Variants in HLCS observed in about 807,000 individuals in gnomAD.
HLCS encodes biotin--protein ligase.
A neutral mutation model predicts 75.0 loss-of-function variants in HLCS; 53 were observed. That is an observed-to-expected ratio of 0.71 (90% CI 0.57 to 0.89). The LOEUF (loss-of-function observed/expected upper bound fraction) is 0.89, where lower values mean the gene tolerates loss of function less well. Among genes scored for constraint, HLCS ranks in the 40% least tolerant of loss-of-function variants. HLCS has a pLI of 0.00. For synonymous variants in HLCS, 431 were observed against 428.6 expected, an observed-to-expected ratio of 1.01 and a Z score of -0.07; for missense variants, 966 against 1,074.0, an observed-to-expected ratio of 0.90 and a Z score of 1.41.
At chr21:36,829,347 T>C (rs1410000348) in intron 6 of HLCS, among the ~76,000 whole-genome samples, 1 of 152,220 alleles carries the variant, frequency 6.6e-6, no homozygotes, top group African/African-American at 2.4e-5. Context: ...GTAGTAACAT[T>C]CACACTCTGT....
At chr21:36,811,829 C>T (rs571613643) in intron 6 of HLCS, among the ~76,000 whole-genome samples, 1 of 152,258 alleles carries the variant, frequency 6.6e-6, no homozygotes, top group South Asian at 2.1e-4. Flanking sequence ...TGTGAGGTGG[C>T]CAAAGGGTGG....
chr21:36,956,586 C>T (rs2843633), intron 2 of HLCS, among the ~76,000 whole-genome samples: 1 of 151,614 alleles, frequency 6.6e-6, no homozygotes, highest in African/African-American at 2.4e-5. Flanking sequence ...AAAAATTAGC[C>T]GGGTGTGGTG....
rs144076111 is a variant in HLCS at position 36,763,618 on chromosome 21, G to A, written c.2121+1394C>T. ...ATGACAGGACCTCCAAGTCTCCTTT[G>A]AGAGTCACGCTCTTAACATCTTGCT... On this transcript the variant is annotated intron_variant, in intron 8 of 10. Coordinates refer to ENST00000674895, the MANE Select transcript of HLCS (RefSeq NM_001352514.2). Among the ~76,000 whole-genome samples the A allele has an allele frequency of 3.5e-3, 527 of 152,306 alleles. 2 individuals are homozygous for A. The highest frequency in any genetic ancestry group is 0.011 in the African/African-American group (477 of 41,562).
chr21:36,866,885 G>A (rs1601563499), intron 6 of HLCS, among the ~76,000 whole-genome samples: 2 of 148,682 alleles, frequency 1.3e-5, no homozygotes, highest in African/African-American at 2.5e-5. Flanking sequence ...GAATCTATCC[G>A]ATAATATTTC....
intron 6 of HLCS, among the ~76,000 whole-genome samples, chr21:36,778,061 C>A (rs1016536943): frequency 6.6e-6 from 1 of 151,980 alleles, no homozygotes; most frequent in East Asian, 1.9e-4. Context: ...CTCCACCTCC[C>A]GGGTTCACAC....
upstream of HLCS, among the ~76,000 whole-genome samples, chr21:36,970,388 A>G (rs1196417199): frequency 6.6e-6 from 1 of 152,032 alleles, no homozygotes; most frequent in Non-Finnish European, 1.5e-5. Context: ...ATGAGCCACC[A>G]CACCTGGCTA....
At chr21:36,989,708 T>TC (rs914400719) in intron 1 of HLCS, among the ~76,000 whole-genome samples, 4 of 152,050 alleles carry the variant, frequency 2.6e-5, no homozygotes, top group African/African-American at 7.2e-5. Flanking sequence ...AGGAAGCCTT[T>TC]CCCCACACGC....
Position 36,796,885 on chromosome 21 carries a change from G to A in HLCS, c.1893-29600C>T, listed in dbSNP as rs189834798. 3.2e-3 allele frequency among the ~76,000 whole-genome samples: 473 copies of A among 146,740 alleles called. 3 individuals are homozygous for A. The highest frequency in any genetic ancestry group is 5.7e-3 in the Non-Finnish European group (383 of 66,938). On this transcript the variant is annotated intron_variant, in intron 6 of 10. Transcript: ENST00000674895. The stretch of plus-strand genomic sequence containing the variant: ...ATCATGATCTTTTTTTTTTTTTCCT[G>A]CAATGGAGTCTCACTCTATTGCCCA...
chr21:36,888,746 CT>C (rs1040085927), intron 6 of HLCS, among the ~76,000 whole-genome samples: 6 of 151,692 alleles, frequency 4.0e-5, no homozygotes, highest in African/African-American at 1.5e-4. Context: ...TCCAACGCCC[CT>C]GATCTCACAG....
chr21:36,831,874 C>A (rs1405429197), intron 6 of HLCS, among the ~76,000 whole-genome samples: 1 of 152,106 alleles, frequency 6.6e-6, no homozygotes, highest in Non-Finnish European at 1.5e-5. Flanking sequence ...AAATCACTGG[C>A]TCTGAGCAAT....
intron 6 of HLCS, among the ~76,000 whole-genome samples, chr21:36,869,050 A>G (rs1412580032): frequency 9.3e-6 from 1 of 107,894 alleles, no homozygotes; most frequent in Admixed American, 8.0e-5. Context: ...AAACAACTGC[A>G]ACTTTTTTTC....
At chr21:36,802,390 T>A (rs1398525079) in intron 6 of HLCS, among the ~76,000 whole-genome samples, 2 of 152,236 alleles carry the variant, frequency 1.3e-5, no homozygotes, top group African/African-American at 4.8e-5. Flanking sequence ...GAAATAGGGT[T>A]GGGAATCACT....
At chr21:36,931,533 T>C (rs955448024) in intron 4 of HLCS, among the ~76,000 whole-genome samples, 1 of 152,048 alleles carries the variant, frequency 6.6e-6, no homozygotes, top group Non-Finnish European at 1.5e-5. Flanking sequence ...GAGGATTGCT[T>C]GAGCCTAGGA....
intron 1 of HLCS, among the ~76,000 whole-genome samples, chr21:36,977,442 G>A (rs562164973): frequency 6.6e-6 from 1 of 152,236 alleles, no homozygotes; most frequent in East Asian, 1.9e-4. Context: ...CTCCTAATAT[G>A]TTCATCATTG....
rs765565139 is a variant in HLCS, at chr21:36,901,754, C to T, written c.1621-4623G>A. ...CAGCAGTCGTACTGGATTAGGGATC[C>T]ACCCTAATGACCTCATCTTCACTTG... On this transcript the variant is annotated intron_variant, in intron 5 of 10. Transcript: ENST00000674895. Among the ~76,000 whole-genome samples the T allele has an allele frequency of 3.9e-5, 6 of 152,302 alleles. No individual in the cohort carries two copies. In the East Asian group the frequency reaches 1.2e-3, roughly 29 times the overall value.
intron 1 of HLCS, among the ~76,000 whole-genome samples, chr21:36,976,950 A>G (rs1357632741): frequency 6.6e-6 from 1 of 152,136 alleles, no homozygotes; most frequent in Non-Finnish European, 1.5e-5. Context: ...GTACATTTAC[A>G]ATATGATGCA....
At chr21:36,805,041 T>G (rs1156761902) in intron 6 of HLCS, among the ~76,000 whole-genome samples, 1 of 152,134 alleles carries the variant, frequency 6.6e-6, no homozygotes, top group Non-Finnish European at 1.5e-5. Flanking sequence ...TGTGGAGAGA[T>G]TAAGCAAGGC....
chr21:36,927,582 A>G (rs1041464437), intron 5 of HLCS, among the ~76,000 whole-genome samples: 5 of 152,260 alleles, frequency 3.3e-5, no homozygotes, highest in Non-Finnish European at 5.9e-5. Flanking sequence ...ATCCCATACT[A>G]TAATAGTACC....
At chr21:36,941,931 C>T (rs1175816633) in intron 2 of HLCS, among the ~76,000 whole-genome samples, 1 of 151,976 alleles carries the variant, frequency 6.6e-6, no homozygotes, top group South Asian at 2.1e-4. Flanking sequence ...CACTTGAACC[C>T]GGGAGGCAGA....
Sources: allele counts gnomAD v4.1 joint callset (sites outside exome capture counted in the v4.1 genomes callset), GRCh38; gene constraint gnomAD v4.1.1; transcripts MANE v1.5; gene names NCBI Gene and HGNC (gene_info 2026-07-23, HGNC 2026-07-21).